PAK2: variants seen among roughly 807,000 people sequenced by gnomAD.
PAK2 encodes serine/threonine-protein kinase PAK 2.
PAK2 carries 21 observed loss-of-function variants against 65.9 expected under a neutral mutation model. The observed-to-expected ratio is 0.32, with a 90% CI of 0.23 to 0.46. PAK2 has a LOEUF of 0.46. PAK2 is among the 20% of genes least tolerant of loss of function. The pLI, the probability that PAK2 is intolerant of heterozygous loss-of-function variation, is 1.00. For synonymous variants in PAK2, 204 were observed against 219.7 expected, an observed-to-expected ratio of 0.93 and a Z score of 0.63; for missense variants, 324 against 642.6, an observed-to-expected ratio of 0.50 and a Z score of 5.36.
intron 1 of PAK2, among the ~76,000 whole-genome samples, chr3:196,755,679 A>G (rs1467811416): frequency 1.3e-5 from 2 of 152,070 alleles, no homozygotes; most frequent in Non-Finnish European, 2.9e-5. Context: ...GCTGGTCTCG[A>G]ATTCCTGACC....
At chr3:196,809,518 A>G (rs2108762407) in intron 7 of PAK2, among the ~76,000 whole-genome samples, 1 of 150,616 alleles carries the variant, frequency 6.6e-6, no homozygotes, top group Admixed American at 6.6e-5. Context: ...TAATTTTTGT[A>G]GTTTTAGTAG....
At chr3:196,812,619 C>T (rs951389721) in intron 9 of PAK2, 120 bp from the exon 10 acceptor site, 1 of 603,948 alleles carries the variant, frequency 1.7e-6, no homozygotes, top group African/African-American at 1.9e-5. Context: ...AAGGTGCCAC[C>T]TGGGAGTAAT....
At chr3:196,783,076 C>G (rs1366396723) in intron 2 of PAK2, among the ~76,000 whole-genome samples, 1 of 152,072 alleles carries the variant, frequency 6.6e-6, no homozygotes, top group African/African-American at 2.4e-5. Context: ...CCTTTGTTTT[C>G]TGAGACCTTG....
rs775082676 is a variant in PAK2 at position 196,812,249 on chromosome 3, C to G, written c.804C>G (p.Asp268Glu). 1.3e-6 allele frequency: 2 copies of G among 1,589,096 alleles called. No homozygotes were observed. The highest frequency in any genetic ancestry group is 1.7e-6 in the Non-Finnish European group (2 of 1,157,554). ...GASGTVFTAT[D>E]VALGQEVAIK... ...CTGGTACAGTTTTCACTGCTACTGA[C>G]GTTGCACTGGGACAGGAGGTAGTTA... Residue 268 changes from aspartate (D) to glutamate (E), a missense_variant, in exon 9 of 15, where the codon GAC (aspartate) becomes GAG (glutamate). Physicochemically the swap from Asp to Glu is conservative, Grantham distance 45 (BLOSUM62 2). Around this residue, in one of 5 missense-constraint regions of PAK2, gnomAD observed 183 missense variants for 246.2 expected, o/e 0.74. Transcript: ENST00000327134.
chr3:196,778,746 G>C (rs1203242340), intron 1 of PAK2, among the ~76,000 whole-genome samples: 9 of 152,198 alleles, frequency 5.9e-5, no homozygotes, highest in Admixed American at 2.0e-4. Flanking sequence ...TGTCTCCTCT[G>C]ATCTGTTACA....
chr3:196,762,460 C>T (rs9872949), intron 1 of PAK2, among the ~76,000 whole-genome samples: 1,596 of 149,384 alleles, frequency 0.011, 25 homozygotes, highest in African/African-American at 0.037. Context: ...CTCGGGAGGC[C>T]GAGGCTGGCG....
intron 2 of PAK2, among the ~76,000 whole-genome samples, chr3:196,798,102 A>G (rs550948474): frequency 8.5e-5 from 13 of 152,184 alleles, no homozygotes; most frequent in Non-Finnish European, 1.6e-4. Context: ...AAATAATAAA[A>G]AGCAAAATGG....
At position 196,789,570 on chromosome 3, in the gene PAK2, C is replaced by T. The variant is rs570487748; in HGVS notation, c.187+6737C>T. 2.6e-5 allele frequency among the ~76,000 whole-genome samples: 4 copies of T among 152,034 alleles called. No homozygotes were observed. In the South Asian group the frequency reaches 8.3e-4, roughly 32 times the overall value. On this transcript the variant is annotated intron_variant, in intron 2 of 14. Transcript: ENST00000327134. Reference sequence around the variant, plus strand: ...CTCCGCCTCCTGGGTACAAGCAATTCCCCTGCCTCAGCCTCCCGAGTAGCT... The same window carrying T: ...CTCCGCCTCCTGGGTACAAGCAATTTCCCTGCCTCAGCCTCCCGAGTAGCT...
At chr3:196,772,845 T>C (rs1041968438) in intron 1 of PAK2, among the ~76,000 whole-genome samples, 42 of 152,210 alleles carry the variant, frequency 2.8e-4, no homozygotes, top group African/African-American at 9.6e-4. Context: ...GATTAATTAG[T>C]GTTACTGCAT....
Position 196,825,175 on chromosome 3 carries a change from A to G in PAK2, c.1351-2021A>G, listed in dbSNP as rs79715391. On this transcript the variant is annotated intron_variant, in intron 13 of 14. Transcript: ENST00000327134. Reference sequence around the variant, plus strand: ...AGCCTGGCCAATGTGGTGAAACCCCACCTCTACTAAAAATACAAAAATTAG... The same window carrying G: ...AGCCTGGCCAATGTGGTGAAACCCCGCCTCTACTAAAAATACAAAAATTAG... Among the ~76,000 whole-genome samples, 354 of 150,108 alleles carry G rather than the reference A, an allele frequency of 2.4e-3. 3 individuals carry two copies. The highest frequency in any genetic ancestry group is 0.014 in the Middle Eastern group (4 of 286).
chr3:196,823,453 G>A (rs1391196066), intron 13 of PAK2, among the ~76,000 whole-genome samples: 1 of 151,964 alleles, frequency 6.6e-6, no homozygotes, highest in African/African-American at 2.4e-5. Flanking sequence ...AATCACCAGC[G>A]CCAAGCTCCT....
chr3:196,746,842 T>TA (rs1713399895), intron 1 of PAK2, among the ~76,000 whole-genome samples: 1 of 137,168 alleles, frequency 7.3e-6, no homozygotes, highest in South Asian at 2.3e-4. Flanking sequence ...GATAGGCCTT[T>TA]ATGATAACTT....
rs28523795 is a variant in PAK2 at position 196,750,104 on chromosome 3, A to T, written c.-22+9947A>T. Among the ~76,000 whole-genome samples the T allele has an allele frequency of 2.9e-3, 435 of 150,882 alleles. 2 individuals carry two copies. The highest frequency in any genetic ancestry group is 5.2e-3 in the Non-Finnish European group (353 of 67,868). On this transcript the variant is annotated intron_variant, in intron 1 of 14. Coordinates refer to ENST00000327134, the MANE Select transcript of PAK2 (RefSeq NM_002577.4). ...TGGGTTCAAGTAATTCTCATGCCTTAGCCTCCCAAATAGCTGGGATTATAG... is the reference window on the plus strand; with the variant it reads ...TGGGTTCAAGTAATTCTCATGCCTTTGCCTCCCAAATAGCTGGGATTATAG...
intron 1 of PAK2, among the ~76,000 whole-genome samples, chr3:196,751,742 T>TTTC (rs1491237297): frequency 7.9e-3 from 199 of 25,116 alleles, no homozygotes; most frequent in African/African-American, 0.049. Context: ...AATGAATTTC[T>TTTC]TTTTTTTTTT....
chr3:196,746,977 T>C (rs565709547), intron 1 of PAK2, among the ~76,000 whole-genome samples: 2 of 152,302 alleles, frequency 1.3e-5, no homozygotes, highest in East Asian at 3.9e-4. Context: ...GTATAATCTT[T>C]TGTCATTAAG....
At chr3:196,741,894 T>C (rs183499431) in intron 1 of PAK2, among the ~76,000 whole-genome samples, 4 of 152,306 alleles carry the variant, frequency 2.6e-5, no homozygotes, top group Admixed American at 2.6e-4. Flanking sequence ...GAAGAGTTCC[T>C]GGGTATTTCA....
At chr3:196,793,995 G>T (rs1715163018) in intron 2 of PAK2, among the ~76,000 whole-genome samples, 1 of 152,062 alleles carries the variant, frequency 6.6e-6, no homozygotes, top group African/African-American at 2.4e-5. Context: ...GCTGGGCTCG[G>T]TGGCGTACAC....
chr3:196,771,130 C>T (rs1217949040), intron 1 of PAK2, among the ~76,000 whole-genome samples: 1 of 151,814 alleles, frequency 6.6e-6, no homozygotes, highest in Non-Finnish European at 1.5e-5. Context: ...ACAATTGTCT[C>T]AATGTTTCTG....
At chr3:196,822,794 G>T (rs1244310617) in intron 13 of PAK2, among the ~76,000 whole-genome samples, 1 of 152,174 alleles carries the variant, frequency 6.6e-6, no homozygotes, top group African/African-American at 2.4e-5. Context: ...AAGTAAGAGC[G>T]TGATACTTAC....
Sources: allele counts gnomAD v4.1 joint callset (sites outside exome capture counted in the v4.1 genomes callset), GRCh38; gene constraint gnomAD v4.1.1; regional missense constraint gnomAD v4.1.1; transcripts MANE v1.5; gene names NCBI Gene and HGNC (gene_info 2026-07-23, HGNC 2026-07-21).